Variants in MYT1L observed in about 807,000 individuals in gnomAD.
The protein encoded by MYT1L is myelin transcription factor 1-like protein.
A neutral mutation model predicts 126.7 loss-of-function variants in MYT1L; 12 were observed. That is an observed-to-expected ratio of 0.09 (90% CI 0.06 to 0.15). The LOEUF (loss-of-function observed/expected upper bound fraction) is 0.15, where lower values mean the gene tolerates loss of function less well. MYT1L is among the 10% of genes least tolerant of loss of function. The pLI is 1.00. For synonymous variants in MYT1L, 541 were observed against 604.2 expected (o/e 0.90, Z 1.53); for missense variants, 979 against 1,585.2 (o/e 0.62, Z 6.49).
intron 9 of MYT1L, among the ~76,000 whole-genome samples, chr2:1,940,100 G>A (rs1361844312): frequency 1.3e-5 from 2 of 152,250 alleles, no homozygotes; most frequent in Admixed American, 1.3e-4. Flanking sequence ...GAGGCTCTCT[G>A]AAAGGGAGTG....
At chr2:2,161,126 T>C (rs974548658) in intron 3 of MYT1L, among the ~76,000 whole-genome samples, 4 of 152,004 alleles carry the variant, frequency 2.6e-5, no homozygotes, top group Non-Finnish European at 5.9e-5. Flanking sequence ...AGGCTGAGAA[T>C]TGCTTGAACC....
At chr2:2,021,471 G>T (rs35250628) in intron 4 of MYT1L, among the ~76,000 whole-genome samples, 1 of 152,202 alleles carries the variant, frequency 6.6e-6, no homozygotes, top group African/African-American at 2.4e-5. Context: ...CTGGAAAATA[G>T]GTGGTGAGGA....
chr2:1,959,339 T>C (rs2058770608), intron 8 of MYT1L, among the ~76,000 whole-genome samples: 1 of 152,044 alleles, frequency 6.6e-6, no homozygotes, highest in South Asian at 2.1e-4. Flanking sequence ...TGAAAGTCCC[T>C]CCTGGAGAGC....
chr2:2,083,229 T>C (rs2076019716), intron 3 of MYT1L, among the ~76,000 whole-genome samples: 1 of 152,206 alleles, frequency 6.6e-6, no homozygotes, highest in African/African-American at 2.4e-5. Context: ...TCTCAACCCT[T>C]TACGCCTGTG....
At chr2:1,925,756 G>T (rs1039830833) in intron 9 of MYT1L, among the ~76,000 whole-genome samples, 1 of 152,114 alleles carries the variant, frequency 6.6e-6, no homozygotes, top group Non-Finnish European at 1.5e-5. Flanking sequence ...TCCTCATACC[G>T]CATTGATATG....
In MYT1L at chr2:2,029,576, A is replaced by C. The variant is rs115638361; in HGVS notation, c.-158+24402T>G. ...TTGCAGGTTGTTACAATTTAAGGTG[A>C]GACTTGGGTGGGGACACAGCAAAGC... On this transcript the variant is annotated intron_variant, in intron 4 of 24. Coordinates refer to ENST00000647738, the MANE Select transcript of MYT1L (RefSeq NM_001303052.2). 5.7e-3 allele frequency among the ~76,000 whole-genome samples: 862 copies of C among 152,298 alleles called. 6 individuals are homozygous for C. The highest frequency in any genetic ancestry group is 0.019 in the African/African-American group (794 of 41,548).
At chr2:2,207,496 G>A (rs975598613) in intron 2 of MYT1L, among the ~76,000 whole-genome samples, 4 of 152,112 alleles carry the variant, frequency 2.6e-5, no homozygotes, top group African/African-American at 7.2e-5. Context: ...GAACAATGTC[G>A]TGACATCTGT....
At chr2:2,038,518 G>A (rs538364823) in intron 4 of MYT1L, among the ~76,000 whole-genome samples, 15 of 152,208 alleles carry the variant, frequency 9.9e-5, no homozygotes, top group Admixed American at 2.0e-4. Context: ...GGCCCAGTTC[G>A]GCTCATCTTG....
chr2:2,030,147 G>C (rs1023515743), intron 4 of MYT1L, among the ~76,000 whole-genome samples: 2 of 152,174 alleles, frequency 1.3e-5, no homozygotes, highest in Non-Finnish European at 2.9e-5. Context: ...GCCCAGGCTG[G>C]AGTGCAATGG....
intron 3 of MYT1L, among the ~76,000 whole-genome samples, chr2:2,084,524 C>T (rs567760526): frequency 6.6e-6 from 1 of 152,290 alleles, no homozygotes; most frequent in Admixed American, 6.5e-5. Context: ...GAGGGCTCCT[C>T]AGCCAGCAGC....
At chr2:1,919,535 T>A (rs1223031028) in intron 10 of MYT1L, among the ~76,000 whole-genome samples, 1 of 152,120 alleles carries the variant, frequency 6.6e-6, no homozygotes, top group African/African-American at 2.4e-5. Flanking sequence ...ATTTTGGAAA[T>A]GTTACTCGTT....
At chr2:1,994,867 T>C (rs1209018980) in intron 5 of MYT1L, among the ~76,000 whole-genome samples, 5 of 152,236 alleles carry the variant, frequency 3.3e-5, no homozygotes, top group Admixed American at 6.5e-5. Flanking sequence ...CTAGTTTGCA[T>C]ATTCTTTTTA....
intron 18 of MYT1L, among the ~76,000 whole-genome samples, chr2:1,861,051 G>A (rs1250029470): frequency 6.6e-6 from 1 of 152,048 alleles, no homozygotes; most frequent in Non-Finnish European, 1.5e-5. Flanking sequence ...GGGAAGCGGC[G>A]ACAATGGCCA....
At chr2:2,052,907 C>A (rs905149475) in intron 4 of MYT1L, among the ~76,000 whole-genome samples, 1 of 152,144 alleles carries the variant, frequency 6.6e-6, no homozygotes, top group Non-Finnish European at 1.5e-5. Flanking sequence ...AAAATATGAT[C>A]TACATGATCC....
chr2:1,862,110 T>C (rs1443273180), intron 18 of MYT1L, among the ~76,000 whole-genome samples: 1 of 152,218 alleles, frequency 6.6e-6, no homozygotes, highest in Admixed American at 6.5e-5. Flanking sequence ...TAAAACTTTT[T>C]TGGGGTTTAT....
intron 2 of MYT1L, among the ~76,000 whole-genome samples, chr2:2,229,267 T>A (rs1044787379): frequency 2.6e-5 from 4 of 152,326 alleles, no homozygotes; most frequent in East Asian, 3.9e-4. Context: ...ATTCTTTTTT[T>A]AAAAAAGCAC....
intron 9 of MYT1L, among the ~76,000 whole-genome samples, chr2:1,938,457 A>T: frequency 6.6e-6 from 1 of 152,222 alleles, no homozygotes; most frequent in Non-Finnish European, 1.5e-5. Flanking sequence ...TCTGAAAACA[A>T]AATTCTTCAT....
Position 1,889,961 on chromosome 2 carries a change from CTCT to C in MYT1L, c.2284-487_2284-485del, listed in dbSNP as rs1250294545. On this transcript the variant is annotated intron_variant, in intron 15 of 24. Coordinates refer to ENST00000647738, the MANE Select transcript of MYT1L (RefSeq NM_001303052.2). The surrounding 1 kb of genome is among the most constrained non-coding windows in gnomAD (Gnocchi z 4.1). ...ACACACATATATCAGCTTAAAAATT[CTCT>C]TTTTTATTGATGCTAATAGTTCAAG... 2.6e-5 allele frequency among the ~76,000 whole-genome samples: 4 copies of C among 151,966 alleles called. No individual in the cohort carries two copies. Among genetic ancestry groups the C allele is most frequent in the Admixed American group, 2.6e-4 (4 of 15,256 alleles).
intron 19 of MYT1L, among the ~76,000 whole-genome samples, chr2:1,849,974 T>G (rs72765587): frequency 2.0e-5 from 3 of 148,886 alleles, no homozygotes; most frequent in Non-Finnish European, 4.4e-5. Flanking sequence ...CAGGGACAGA[T>G]AGCAGGTTTC....
Sources: gnomAD v4.1 joint callset for allele counts (sites outside exome capture counted in the v4.1 genomes callset) on GRCh38, gnomAD v4.1.1 for gene constraint, Gnocchi (gnomAD v3.1) non-coding constraint, MANE v1.5 for transcripts, NCBI Gene and HGNC (gene_info 2026-07-23, HGNC 2026-07-21) for gene names.